KCNQ5: variants seen among roughly 807,000 people sequenced by gnomAD.
The protein encoded by KCNQ5 is potassium voltage-gated channel subfamily KQT member 5.
In KCNQ5, 30 loss-of-function variants were observed where a neutral mutation model predicts 98.2. The ratio of observed to expected loss-of-function variants is 0.31; its 90% CI spans 0.23 to 0.41. KCNQ5 has a LOEUF of 0.41. KCNQ5 is among the 10% of genes least tolerant of loss of function. The pLI, the probability that KCNQ5 is intolerant of heterozygous loss-of-function variation, is 1.00. For synonymous variants in KCNQ5, 458 were observed against 449.4 expected, an observed-to-expected ratio of 1.02 and a Z score of -0.24; for missense variants, 835 against 1,182.5, an observed-to-expected ratio of 0.71 and a Z score of 4.31.
intron 1 of KCNQ5, among the ~76,000 whole-genome samples, chr6:72,802,470 C>T (rs886099541): frequency 1.3e-5 from 2 of 152,080 alleles, no homozygotes; most frequent in African/African-American, 4.8e-5. Context: ...AATAAACAAT[C>T]CTCTTTTTAC....
At chr6:72,898,555 T>A (rs1779348548) in intron 1 of KCNQ5, among the ~76,000 whole-genome samples, 2 of 152,240 alleles carry the variant, frequency 1.3e-5, no homozygotes, top group Non-Finnish European at 1.5e-5. Flanking sequence ...TGTACCACAT[T>A]TTTTTGTCCA....
At chr6:72,700,907 G>T (rs1418190868) in intron 1 of KCNQ5, among the ~76,000 whole-genome samples, 1 of 152,134 alleles carries the variant, frequency 6.6e-6, no homozygotes, top group African/African-American at 2.4e-5. Context: ...AGATAAAAAA[G>T]AAGTATTAAT....
At chr6:73,180,167 T>C (rs750912374) in intron 11 of KCNQ5, among the ~76,000 whole-genome samples, 4 of 152,156 alleles carry the variant, frequency 2.6e-5, no homozygotes, top group Non-Finnish European at 4.4e-5. Flanking sequence ...TCTTGCACCA[T>C]GCTTGTAGAG....
At chr6:73,044,792 C>T (rs1263118107) in intron 3 of KCNQ5, among the ~76,000 whole-genome samples, 2 of 152,212 alleles carry the variant, frequency 1.3e-5, no homozygotes, top group Admixed American at 6.5e-5. Context: ...TCCCTGATAA[C>T]TGTTCTGAAT....
rs931380607 is a variant in KCNQ5, at chr6:73,170,463, C to T, written c.1577+609C>T. Among the ~76,000 whole-genome samples the T allele has an allele frequency of 2.8e-5, 4 of 143,718 alleles. No homozygotes were observed. In the East Asian group the frequency reaches 8.2e-4, roughly 30 times the overall value. 94.3% of individuals were successfully genotyped at this position (143,718 alleles called of 152,430 possible). On this transcript the variant is annotated intron_variant, in intron 11 of 13. Coordinates refer to ENST00000370398, the MANE Select transcript of KCNQ5 (RefSeq NM_019842.4). Reference sequence around the variant, plus strand: ...ACACACACACACACACACACACACGCAATCAAGATCTGGACTAGATGAATT... The same window carrying T: ...ACACACACACACACACACACACACGTAATCAAGATCTGGACTAGATGAATT...
chr6:73,158,262 T>TTTGTTG (rs1562212002), intron 10 of KCNQ5: 21 of 106,102 alleles, frequency 2.0e-4, no homozygotes, highest in Non-Finnish European at 3.6e-4. Context: ...AGATTTTTTT[T>TTTGTTG]TTTTTTTTTT....
rs557572898 is a variant in KCNQ5 at position 73,026,147 on chromosome 6, A to G, written c.490-15789A>G. On this transcript the variant is annotated intron_variant, in intron 2 of 13. Coordinates refer to ENST00000370398, the MANE Select transcript of KCNQ5 (RefSeq NM_019842.4). ...CTTCTGTCTCTACCAAAACCTGGTG[A>G]GGGATGAGAGCAGCTGTGGTCAGAG... is the stretch of plus-strand genomic sequence containing the variant. Among the ~76,000 whole-genome samples, 4 of 152,286 alleles carry G rather than the reference A, an allele frequency of 2.6e-5. No individual in the cohort carries two copies. The East Asian group carries it at 7.7e-4, about 29-fold the overall frequency.
chr6:73,006,387 C>CA (rs1225152163), intron 2 of KCNQ5, among the ~76,000 whole-genome samples: 11 of 140,820 alleles, frequency 7.8e-5, no homozygotes, highest in Admixed American at 2.0e-4. Flanking sequence ...CACAGTGACT[C>CA]ATGCATGTAA....
At chr6:72,674,728 T>A (rs545593155) in intron 1 of KCNQ5, among the ~76,000 whole-genome samples, 1 of 152,078 alleles carries the variant, frequency 6.6e-6, no homozygotes, top group Non-Finnish European at 1.5e-5. Flanking sequence ...TGAGATCGCG[T>A]CACTGCATTC....
Position 73,155,717 on chromosome 6 carries a change from G to A in KCNQ5, c.1469-14029G>A, listed in dbSNP as rs915176339. Among the ~76,000 whole-genome samples, 15 of 152,144 alleles carry A rather than the reference G, an allele frequency of 9.9e-5. No individual in the cohort carries two copies. In the South Asian group the frequency reaches 1.0e-3, roughly 11 times the overall value. On this transcript the variant is annotated intron_variant, in intron 10 of 13. Transcript: ENST00000370398. ...CCAAAACTTGATAGGATTTGTCTTA[G>A]AGTGTTAAAACCACAGGTGAATTTT...
intron 1 of KCNQ5, among the ~76,000 whole-genome samples, chr6:72,824,520 C>T (rs755153781): frequency 1.8e-4 from 28 of 151,990 alleles, no homozygotes; most frequent in Non-Finnish European, 3.7e-4. Context: ...AATTTAAGAG[C>T]CTGCAAAATT....
At chr6:72,704,946 A>G (rs749818526) in intron 1 of KCNQ5, among the ~76,000 whole-genome samples, 1 of 152,222 alleles carries the variant, frequency 6.6e-6, no homozygotes, top group African/African-American at 2.4e-5. Flanking sequence ...TGACTACACA[A>G]TAGCTTAGCC....
At chr6:72,820,098 C>G (rs1450286191) in intron 1 of KCNQ5, among the ~76,000 whole-genome samples, 1 of 152,206 alleles carries the variant, frequency 6.6e-6, no homozygotes, top group African/African-American at 2.4e-5. Context: ...CCATTAAGGA[C>G]AGATGCTTCC....
chr6:73,117,722 C>T (rs1016041196), intron 7 of KCNQ5, among the ~76,000 whole-genome samples: 1 of 152,128 alleles, frequency 6.6e-6, no homozygotes, highest in Non-Finnish European at 1.5e-5. Context: ...TTAAGGCAGC[C>T]GTCTGTGTCA....
intron 1 of KCNQ5, among the ~76,000 whole-genome samples, chr6:72,691,164 ACTTAT>A (rs1303748152): frequency 6.6e-6 from 1 of 152,166 alleles, no homozygotes; most frequent in Non-Finnish European, 1.5e-5. Context: ...TATTCCCTTC[ACTTAT>A]CTTTGTTTGC....
intron 5 of KCNQ5, among the ~76,000 whole-genome samples, chr6:73,099,160 C>CA (rs1216939599): frequency 4.0e-5 from 6 of 151,190 alleles, no homozygotes; most frequent in South Asian, 4.2e-4. Flanking sequence ...TGGATACACA[C>CA]AAAAAAATAA....
At chr6:73,193,929 TG>T (rs1765691713) in intron 13 of KCNQ5, among the ~76,000 whole-genome samples, 1 of 149,650 alleles carries the variant, frequency 6.7e-6, no homozygotes, top group Non-Finnish European at 1.5e-5. Flanking sequence ...CTCTACCTCC[TG>T]GGCTCAGTCA....
At chr6:72,896,013 C>T (rs971478944) in intron 1 of KCNQ5, among the ~76,000 whole-genome samples, 2 of 151,924 alleles carry the variant, frequency 1.3e-5, no homozygotes, top group African/African-American at 4.8e-5. Context: ...GTGCCTAAGT[C>T]ACAAAACTTA....
At chr6:73,054,066 C>T (rs1436813796) in intron 3 of KCNQ5, among the ~76,000 whole-genome samples, 1 of 152,072 alleles carries the variant, frequency 6.6e-6, no homozygotes, top group Non-Finnish European at 1.5e-5. Flanking sequence ...CTAAAAACAC[C>T]TCTATGCACA....
Sources: gnomAD v4.1 joint callset for allele counts (sites outside exome capture counted in the v4.1 genomes callset) on GRCh38, gnomAD v4.1.1 for gene constraint, MANE v1.5 for transcripts, NCBI Gene and HGNC (gene_info 2026-07-23, HGNC 2026-07-21) for gene names.